The following RBM33 variants were observed in gnomAD, a reference collection of about 807,000 sequenced individuals.
RBM33 encodes RNA binding motif protein 33.
Under a neutral mutation model 132.6 loss-of-function variants are expected in RBM33, and 28 were observed. The ratio of observed to expected loss-of-function variants is 0.21; its 90% CI spans 0.16 to 0.29. RBM33 has a LOEUF of 0.29. Ranked by LOEUF, RBM33 falls within the 10% of genes least tolerant of loss-of-function variation. The pLI, the probability that RBM33 is intolerant of heterozygous loss-of-function variation, is 1.00. For missense variants in RBM33, 1,291 were observed against 1,518.5 expected, an observed-to-expected ratio of 0.85 and a Z score of 2.49; for synonymous variants, 634 against 593.0, an observed-to-expected ratio of 1.07 and a Z score of -1.01.
chr7:155,736,942 A>G (rs1317790615), intron 9 of RBM33, among the ~76,000 whole-genome samples: 1 of 152,234 alleles, frequency 6.6e-6, no homozygotes, highest in Non-Finnish European at 1.5e-5. Flanking sequence ...TGATCATTTA[A>G]TATTGCAGAA....
chr7:155,757,181 T>G (rs1801878758), intron 14 of RBM33, among the ~76,000 whole-genome samples: 1 of 152,122 alleles, frequency 6.6e-6, no homozygotes, highest in South Asian at 2.1e-4. Context: ...ATGGGAGAAT[T>G]TGACCCATGG....
chr7:155,687,876 T>C (rs112656158), intron 5 of RBM33, among the ~76,000 whole-genome samples: 5 of 152,350 alleles, frequency 3.3e-5, no homozygotes, highest in African/African-American at 1.2e-4. Flanking sequence ...TTGGTTACTA[T>C]AGCCTTGTAG....
intron 16 of RBM33, among the ~76,000 whole-genome samples, chr7:155,771,104 G>T (rs1802412518): frequency 1.3e-5 from 2 of 152,218 alleles, no homozygotes; most frequent in South Asian, 4.1e-4. Flanking sequence ...TGGGGGTGAA[G>T]AAGGAGGTCC....
intron 3 of RBM33, among the ~76,000 whole-genome samples, chr7:155,673,541 T>C (rs1192131766): frequency 9.7e-6 from 1 of 103,562 alleles, no homozygotes; most frequent in Non-Finnish European, 2.0e-5. Flanking sequence ...CATATATACA[T>C]ACACACGTGT....
At chr7:155,729,504 A>G (rs1345217074) in intron 9 of RBM33, among the ~76,000 whole-genome samples, 1 of 152,188 alleles carries the variant, frequency 6.6e-6, no homozygotes, top group Non-Finnish European at 1.5e-5. Context: ...TGGGAGGCCA[A>G]GGTGGGAGGA....
chr7:155,664,228 G>A (rs1798733551), intron 1 of RBM33, among the ~76,000 whole-genome samples: 1 of 144,824 alleles, frequency 6.9e-6, no homozygotes. Flanking sequence ...TACACATTAT[G>A]ACTTATATAT....
chr7:155,749,351 G>A (rs146453811), intron 14 of RBM33, among the ~76,000 whole-genome samples: 99 of 152,226 alleles, frequency 6.5e-4, no homozygotes, highest in African/African-American at 2.3e-3. Flanking sequence ...CTTCTGAGGC[G>A]AGTGCGTTGA....
intron 6 of RBM33, 197 bp downstream of exon 6, chr7:155,701,141 A>G (rs1338823934): frequency 8.5e-6 from 5 of 591,036 alleles, no homozygotes; most frequent in Non-Finnish European, 1.5e-5. Flanking sequence ...CTGTTTATGG[A>G]TTTAAAATGC....
intron 2 of RBM33, among the ~76,000 whole-genome samples, chr7:155,669,508 G>GTGCCTGGCTAATATTTATATTTTTA (rs1798889534): frequency 1.3e-5 from 2 of 152,116 alleles, no homozygotes; most frequent in African/African-American, 4.8e-5. Flanking sequence ...ATGTGCCACC[G>GTGCCTGGCTAATATTTATATTTTTA]TGCCTGGCTA....
rs1016031790 is a variant in RBM33 at position 155,774,159 on chromosome 7, A to G, written c.3376-400A>G. On this transcript the variant is annotated intron_variant, in intron 16 of 17. Coordinates refer to ENST00000401878, the MANE Select transcript of RBM33 (RefSeq NM_053043.3). The surrounding 1 kb of genome is among the most constrained non-coding windows in gnomAD (Gnocchi z 4.2). ...ATACTAAACAGTTTCCTCTGGTGTG[A>G]TGAGTCCTGTTCTTAAAAAATTCAT... Among the ~76,000 whole-genome samples, 1 of 152,182 alleles carries G rather than the reference A, an allele frequency of 6.6e-6. No individual in the cohort carries two copies. The highest frequency in any genetic ancestry group is 2.1e-4 in the South Asian group (1 of 4,822).
intron 11 of RBM33, 172 bp downstream of exon 11, chr7:155,738,575 TATCTC>T (rs977568845): frequency 3.5e-4 from 233 of 657,012 alleles, no homozygotes; most frequent in Admixed American, 1.4e-3. Context: ...CAATGTTACT[TATCTC>T]AATACAAGAA....
At chr7:155,697,283 CCCA>C (rs1563148740) in intron 5 of RBM33, among the ~76,000 whole-genome samples, 1 of 152,006 alleles carries the variant, frequency 6.6e-6, no homozygotes, top group African/African-American at 2.4e-5. Context: ...CTGGATAAAC[CCCA>C]CTTGGTTGTG....
chr7:155,662,527 C>T (rs571702649), intron 1 of RBM33, among the ~76,000 whole-genome samples: 28 of 152,220 alleles, frequency 1.8e-4, no homozygotes, highest in South Asian at 6.2e-4. Flanking sequence ...CCGCCCCCCC[C>T]GCTCTGAGCC....
intron 9 of RBM33, among the ~76,000 whole-genome samples, chr7:155,722,421 A>C (rs1454804138): frequency 6.6e-6 from 1 of 152,232 alleles, no homozygotes; most frequent in Non-Finnish European, 1.5e-5. Context: ...GTGGAAGGCT[A>C]GTTACCTTTC....
At position 155,774,705 on chromosome 7, in the gene RBM33, C is replaced by G. The variant is rs1802545870; in HGVS notation, c.3464+58C>G. ...GGGGGCGGGAGCAAGGCCCTCCTTC[C>G]TGTGCCCTCCCATCCATCATGGTAG... On this transcript the variant is annotated intron_variant, in intron 17 of 17. Transcript: ENST00000401878. This position sits in a 1 kb window ranked among gnomAD's most constrained non-coding sequence, Gnocchi z 4.2. The G allele has an allele frequency of 1.5e-6, 2 of 1,320,070 alleles. No individual in the cohort carries two copies. The highest frequency in any genetic ancestry group is 2.2e-6 in the Non-Finnish European group (2 of 911,912). 81.8% of individuals were successfully genotyped at this position (1,320,070 alleles called of 1,614,324 possible).
intron 10 of RBM33, 50 bp downstream of exon 10, chr7:155,737,712 G>A (rs1159264261): frequency 2.0e-6 from 3 of 1,490,922 alleles, no homozygotes; most frequent in South Asian, 2.8e-5. Context: ...TGCATTGGGT[G>A]ATGTGCCCAA....
intron 5 of RBM33, among the ~76,000 whole-genome samples, chr7:155,686,966 A>G (rs1194713735): frequency 2.0e-5 from 3 of 152,232 alleles, no homozygotes; most frequent in Admixed American, 6.5e-5. Flanking sequence ...TTATAGCAGC[A>G]TGATTTATAA....
chr7:155,651,603 G>T (rs985785896), intron 1 of RBM33, among the ~76,000 whole-genome samples: 1 of 103,020 alleles, frequency 9.7e-6, no homozygotes, highest in East Asian at 3.1e-4. Context: ...AAAAAAAAAA[G>T]GGTCTAGGTT....
At chr7:155,741,319 C>G (rs1801326981) in intron 12 of RBM33, among the ~76,000 whole-genome samples, 1 of 151,844 alleles carries the variant, frequency 6.6e-6, no homozygotes, top group Non-Finnish European at 1.5e-5. Context: ...AGCATTTCCT[C>G]TCGAGTAAAA....
Sources: allele counts gnomAD v4.1 joint callset (sites outside exome capture counted in the v4.1 genomes callset), GRCh38; gene constraint gnomAD v4.1.1; non-coding constraint Gnocchi (gnomAD v3.1); transcripts MANE v1.5; gene names NCBI Gene and HGNC (gene_info 2026-07-23, HGNC 2026-07-21).